Variants in RASEF observed in about 807,000 individuals in gnomAD.
RASEF encodes the protein ras and EF-hand domain-containing protein.
Under a neutral mutation model 90.1 loss-of-function variants are expected in RASEF, and 68 were observed. That is an observed-to-expected ratio of 0.75 (90% CI 0.62 to 0.92). The LOEUF (loss-of-function observed/expected upper bound fraction) is 0.92, where lower values mean the gene tolerates loss of function less well. Ranked by LOEUF, RASEF falls within the 40% of genes least tolerant of loss-of-function variation. The probability of loss-of-function intolerance (pLI) is 0.00; values close to 1 mark genes in which losing one functional copy is unlikely to be tolerated. For synonymous variants in RASEF, 331 were observed against 345.2 expected (o/e 0.96, Z 0.46); for missense variants, 949 against 937.2 (o/e 1.01, Z -0.16).
At chr9:83,210,746 A>T in the RASEF span, among the ~76,000 whole-genome samples, 2 of 152,220 alleles carry the variant, frequency 1.3e-5, no homozygotes, top group East Asian at 3.8e-4. Flanking sequence ...AAACAACTCA[A>T]ATTTACAAAA....
upstream of RASEF, among the ~76,000 whole-genome samples, chr9:83,063,625 T>A (rs1208984724): frequency 1.3e-5 from 2 of 152,184 alleles, no homozygotes; most frequent in African/African-American, 4.8e-5. Context: ...ATCTTCCAGA[T>A]CTCCAATTCC....
chr9:83,058,751 CTT>C (rs937008427), intron 1 of RASEF, among the ~76,000 whole-genome samples: 62 of 152,304 alleles, frequency 4.1e-4, no homozygotes, highest in African/African-American at 1.4e-3. Context: ...AGCCTTTCCT[CTT>C]GAGTTTAATA....
the RASEF span, among the ~76,000 whole-genome samples, chr9:83,201,600 A>C: frequency 1.3e-5 from 2 of 152,164 alleles, no homozygotes; most frequent in Admixed American, 6.5e-5. Flanking sequence ...ACTCAATGTA[A>C]ATATTAATGG....
At chr9:83,009,965 A>G (rs914486559) in intron 5 of RASEF, among the ~76,000 whole-genome samples, 3 of 152,224 alleles carry the variant, frequency 2.0e-5, no homozygotes, top group Non-Finnish European at 4.4e-5. Flanking sequence ...CCTCAAAGTC[A>G]TTCTTCATTT....
chr9:83,167,053 C>T, the RASEF span, among the ~76,000 whole-genome samples: 1 of 152,112 alleles, frequency 6.6e-6, no homozygotes, highest in East Asian at 1.9e-4. Flanking sequence ...AATTAATCTC[C>T]CTACTTCCAT....
intron 1 of RASEF, chr9:83,048,431 C>A: frequency 7.1e-6 from 7 of 985,274 alleles, no homozygotes; most frequent in Non-Finnish European, 8.4e-6. Flanking sequence ...ATGTCATCAC[C>A]TTCTGAATAG....
chr9:83,024,089 G>A (rs1354667310), intron 2 of RASEF, among the ~76,000 whole-genome samples: 2 of 152,176 alleles, frequency 1.3e-5, no homozygotes, highest in Admixed American at 6.5e-5. Context: ...CAGTGAGGAT[G>A]GATGGCTAAG....
the RASEF span, among the ~76,000 whole-genome samples, chr9:83,182,239 G>C: frequency 1.3e-5 from 2 of 152,190 alleles, no homozygotes; most frequent in African/African-American, 4.8e-5. Flanking sequence ...AGACACAAGT[G>C]TGCTGCTTCC....
At chr9:83,042,774 T>G (rs1048419114) in intron 1 of RASEF, among the ~76,000 whole-genome samples, 2 of 152,284 alleles carry the variant, frequency 1.3e-5, no homozygotes, top group East Asian at 3.9e-4. Flanking sequence ...ACACCCCTGC[T>G]TGGTTTAGAA....
rs1158661164 is a variant in RASEF, at chr9:83,025,892, T to C, written c.461A>G (p.Asn154Ser). 2 of 1,613,262 alleles carry C rather than the reference T, an allele frequency of 1.2e-6. No individual in the cohort carries two copies. The highest frequency in any genetic ancestry group is 1.7e-6 in the Non-Finnish European group (2 of 1,179,614). The part of the protein sequence containing the change: ...REEQVSTLYQ[N>S]INLVEPRLIQ... ...TAATCTTGGCTCCACAAGGTTGATG[T>C]TTTGGTACAAGGTACTAACTTGCTC... The change falls in exon 2 of 17, where the codon AAC becomes AGC. Residue 154 changes from asparagine to serine, a missense_variant. Around this residue, in one of 3 missense-constraint regions of RASEF, gnomAD observed 656 missense variants for 592.2 expected, o/e 1.11. Coordinates refer to ENST00000376447, the MANE Select transcript of RASEF (RefSeq NM_152573.4).
the RASEF span, among the ~76,000 whole-genome samples, chr9:83,128,850 G>A: frequency 1.9e-4 from 29 of 152,198 alleles, 1 homozygote; most frequent in East Asian, 5.8e-4. Context: ...TAGCATGGCC[G>A]AGTGAGGCCC....
the RASEF span, among the ~76,000 whole-genome samples, chr9:83,218,823 G>C: frequency 1.3e-5 from 2 of 152,144 alleles, no homozygotes; most frequent in African/African-American, 4.8e-5. Context: ...TCAAGAAAGG[G>C]ACAGAAAGTC....
chr9:83,038,656 C>T (rs753682435), intron 1 of RASEF, among the ~76,000 whole-genome samples: 33 of 152,070 alleles, frequency 2.2e-4, no homozygotes, highest in Non-Finnish European at 2.2e-4. Context: ...CTTCAATGTA[C>T]GTAAACCTTT....
At chr9:83,037,151 G>A (rs138773033) in intron 1 of RASEF, among the ~76,000 whole-genome samples, 1 of 152,156 alleles carries the variant, frequency 6.6e-6, no homozygotes, top group East Asian at 1.9e-4. Flanking sequence ...CTTAGGTCAA[G>A]AGACTTGTTC....
chr9:83,117,099 G>A, the RASEF span, among the ~76,000 whole-genome samples: 2 of 152,058 alleles, frequency 1.3e-5, no homozygotes. Context: ...TAATTCTTGA[G>A]AATAAACCAA....
At chr9:83,092,281 G>A in the RASEF span, among the ~76,000 whole-genome samples, 5 of 152,120 alleles carry the variant, frequency 3.3e-5, no homozygotes, top group African/African-American at 1.2e-4. Context: ...TATTGTGTCT[G>A]GAACTGGTGG....
At chr9:82,999,926 T>A (rs1037177521) in intron 12 of RASEF, among the ~76,000 whole-genome samples, 1 of 151,634 alleles carries the variant, frequency 6.6e-6, no homozygotes, top group Non-Finnish European at 1.5e-5. Flanking sequence ...CATTTTAATC[T>A]TCCTTTCCTA....
At chr9:83,162,402 G>T in the RASEF span, among the ~76,000 whole-genome samples, 1 of 152,182 alleles carries the variant, frequency 6.6e-6, no homozygotes, top group African/African-American at 2.4e-5. Context: ...GAATGTGACT[G>T]TGTAGGCAAG....
chr9:83,031,949 A>G (rs889317946), intron 1 of RASEF, among the ~76,000 whole-genome samples: 1 of 152,170 alleles, frequency 6.6e-6, no homozygotes, highest in Admixed American at 6.5e-5. Flanking sequence ...AGACTGTAAC[A>G]TAACACTCTT....
Sources: gnomAD v4.1 joint callset for allele counts (sites outside exome capture counted in the v4.1 genomes callset) on GRCh38, gnomAD v4.1.1 for gene constraint, gnomAD v4.1.1 regional missense constraint, MANE v1.5 for transcripts, NCBI Gene and HGNC (gene_info 2026-07-23, HGNC 2026-07-21) for gene names.